The following MCTP1 variants were observed in gnomAD, a reference collection of about 807,000 sequenced individuals.
The protein encoded by MCTP1 is multiple C2 and transmembrane domain containing 1.
A neutral mutation model predicts 120.6 loss-of-function variants in MCTP1; 69 were observed. The ratio of observed to expected loss-of-function variants is 0.57; its 90% CI spans 0.47 to 0.70. MCTP1 has a LOEUF of 0.70. Among genes scored for constraint, MCTP1 ranks in the 30% least tolerant of loss-of-function variants. MCTP1 has a pLI of 0.00. For missense variants in MCTP1, 1,203 were observed against 1,248.8 expected (o/e 0.96, Z 0.55); for synonymous variants, 529 against 493.1 (o/e 1.07, Z -0.96).
chr5:95,168,472 T>C (rs1746745420), intron 1 of MCTP1, among the ~76,000 whole-genome samples: 1 of 152,224 alleles, frequency 6.6e-6, no homozygotes, highest in Non-Finnish European at 1.5e-5. Flanking sequence ...ATTGAATCTA[T>C]AAATTACCTT....
chr5:95,131,033 G>A (rs893523567), intron 1 of MCTP1, among the ~76,000 whole-genome samples: 1 of 152,106 alleles, frequency 6.6e-6, no homozygotes, highest in Non-Finnish European at 1.5e-5. Context: ...TAAAAATTAG[G>A]TGGTTCACAG....
At chr5:94,875,997 T>C (rs1798792216) in intron 12 of MCTP1, among the ~76,000 whole-genome samples, 1 of 152,146 alleles carries the variant, frequency 6.6e-6, no homozygotes, top group Admixed American at 6.6e-5. Context: ...CACTGCATGA[T>C]TCAAGGGCAA....
chr5:94,807,055 C>T (rs958111467), intron 17 of MCTP1, among the ~76,000 whole-genome samples: 1 of 152,204 alleles, frequency 6.6e-6, no homozygotes, highest in African/African-American at 2.4e-5. Context: ...CCAATCTTCA[C>T]CCCTTAATGT....
At chr5:95,270,931 C>CAAAAA (rs10655109) in intron 1 of MCTP1, among the ~76,000 whole-genome samples, 11,357 of 145,428 alleles carry the variant, frequency 0.078, 591 homozygotes, top group East Asian at 0.24. Flanking sequence ...CTCTCTCTCT[C>CAAAAA]AAAAAAAAAA....
At position 94,953,237 on chromosome 5, in the gene MCTP1, C is replaced by T. The variant is rs200770764; in HGVS notation, c.963G>A (p.Arg321=). 1.2e-6 allele frequency: 2 copies of T among 1,612,060 alleles called. No individual in the cohort carries two copies. Among genetic ancestry groups the T allele is most frequent in the Non-Finnish European group, 8.5e-7 (1 of 1,179,098 alleles). The change falls in exon 3 of 23, where the codon AGG becomes AGA. Residue 321 remains arginine (R), a synonymous_variant. Transcript: ENST00000515393. The part of the protein sequence containing the change: ...EKACILVDHL[R]EPLYIKVFDY... ...GGCTCACCTTTATATACAATGGCTCCCTAAGATGATCAACCAGAATACAAG... is the reference window on the plus strand; with the variant it reads ...GGCTCACCTTTATATACAATGGCTCTCTAAGATGATCAACCAGAATACAAG...
At chr5:95,092,567 C>T (rs574405680) in intron 1 of MCTP1, among the ~76,000 whole-genome samples, 2 of 151,992 alleles carry the variant, frequency 1.3e-5, no homozygotes, top group African/African-American at 2.4e-5. Flanking sequence ...TTTGAGGTGA[C>T]GGATATGTTA....
chr5:94,796,908 C>T (rs1780202634), intron 18 of MCTP1, among the ~76,000 whole-genome samples: 1 of 151,704 alleles, frequency 6.6e-6, no homozygotes, highest in Admixed American at 6.6e-5. Flanking sequence ...AAGGCAATTA[C>T]TGGGAGTTAT....
At chr5:94,808,258 C>T (rs1003809225) in intron 17 of MCTP1, among the ~76,000 whole-genome samples, 3 of 152,154 alleles carry the variant, frequency 2.0e-5, no homozygotes, top group Non-Finnish European at 4.4e-5. Flanking sequence ...TGTACCACCT[C>T]CATTCAACAA....
intron 1 of MCTP1, chr5:95,038,218 G>A: frequency 2.0e-6 from 1 of 494,568 alleles, no homozygotes; most frequent in Non-Finnish European, 2.6e-6. Flanking sequence ...TAATCATGGA[G>A]CCTGGCACAA....
intron 7 of MCTP1, 30 bp from the exon 8 acceptor site, chr5:94,918,003 C>CG: frequency 6.3e-7 from 1 of 1,579,462 alleles, no homozygotes. Flanking sequence ...CAGAGCTGTA[C>CG]GGGGAAGCTT....
At chr5:95,081,508 C>A (rs754671114) in intron 1 of MCTP1, 1 of 1,602,530 alleles carries the variant, frequency 6.2e-7, no homozygotes, top group Non-Finnish European at 8.5e-7. Context: ...AACAAAACAT[C>A]TTTCACTCCA....
At chr5:95,266,903 G>A (rs1415262552) in intron 1 of MCTP1, among the ~76,000 whole-genome samples, 1 of 152,200 alleles carries the variant, frequency 6.6e-6, no homozygotes, top group East Asian at 1.9e-4. Context: ...TTTTGATTGT[G>A]TGACAGACTA....
chr5:95,138,488 T>A (rs1196191095), intron 1 of MCTP1, among the ~76,000 whole-genome samples: 1 of 152,200 alleles, frequency 6.6e-6, no homozygotes, highest in African/African-American at 2.4e-5. Context: ...CAAAGAATCA[T>A]CTGTTCTTTC....
At chr5:94,892,422 A>G (rs1244823347) in intron 11 of MCTP1, among the ~76,000 whole-genome samples, 3 of 152,120 alleles carry the variant, frequency 2.0e-5, no homozygotes, top group East Asian at 3.9e-4. Flanking sequence ...GGTTCAGCAT[A>G]CCCGTTCTGA....
intron 1 of MCTP1, among the ~76,000 whole-genome samples, chr5:95,046,170 C>G (rs1227627210): frequency 6.6e-6 from 1 of 152,122 alleles, no homozygotes; most frequent in Non-Finnish European, 1.5e-5. Flanking sequence ...ATGGATCCAA[C>G]CACATGAGAG....
intron 5 of MCTP1, among the ~76,000 whole-genome samples, chr5:94,933,066 G>T (rs1308486516): frequency 6.6e-6 from 1 of 151,864 alleles, no homozygotes; most frequent in Admixed American, 6.6e-5. Flanking sequence ...ATAATTATAT[G>T]TTCCTCTTTT....
chr5:94,892,692 G>C (rs1054209321), intron 11 of MCTP1, among the ~76,000 whole-genome samples: 3 of 152,148 alleles, frequency 2.0e-5, no homozygotes, highest in Non-Finnish European at 4.4e-5. Flanking sequence ...CAATTTATTT[G>C]CTTCCCTGAC....
chr5:94,893,011 C>T (rs989770235), intron 11 of MCTP1, among the ~76,000 whole-genome samples: 3 of 152,022 alleles, frequency 2.0e-5, no homozygotes, highest in Admixed American at 2.0e-4. Flanking sequence ...AGGCCTCTGC[C>T]TGAAATTCAA....
chr5:95,274,259 A>G (rs1263483797), intron 1 of MCTP1, among the ~76,000 whole-genome samples: 7 of 152,116 alleles, frequency 4.6e-5, no homozygotes, highest in African/African-American at 1.7e-4. Context: ...ATATCTCCCT[A>G]TGTCCAAATC....
Sources: gnomAD v4.1 joint callset for allele counts (sites outside exome capture counted in the v4.1 genomes callset) on GRCh38, gnomAD v4.1.1 for gene constraint, MANE v1.5 for transcripts, NCBI Gene and HGNC (gene_info 2026-07-23, HGNC 2026-07-21) for gene names.